Variants in PTPRN2 observed in about 807,000 individuals in gnomAD.
PTPRN2 encodes the protein protein tyrosine phosphatase receptor type N2, also known as receptor-type tyrosine-protein phosphatase N2.
In PTPRN2, 74 loss-of-function variants were observed where a neutral mutation model predicts 118.8. The ratio of observed to expected loss-of-function variants is 0.62; its 90% CI spans 0.52 to 0.76. The LOEUF (loss-of-function observed/expected upper bound fraction) is 0.76, where lower values mean the gene tolerates loss of function less well. Ranked by LOEUF, PTPRN2 falls within the 30% of genes least tolerant of loss-of-function variation. The pLI, the probability that PTPRN2 is intolerant of heterozygous loss-of-function variation, is 0.00. For missense variants in PTPRN2, 1,481 were observed against 1,394.4 expected (o/e 1.06, Z -0.99); for synonymous variants, 641 against 608.0 (o/e 1.05, Z -0.80).
At chr7:158,147,747 C>A (rs1164487289) in intron 6 of PTPRN2, among the ~76,000 whole-genome samples, 3 of 139,632 alleles carry the variant, frequency 2.1e-5, no homozygotes, top group Non-Finnish European at 3.1e-5. Flanking sequence ...TGTCTTTCCC[C>A]CTCAATGACA....
chr7:158,096,451 C>G (rs961457884), intron 10 of PTPRN2, among the ~76,000 whole-genome samples: 2 of 152,212 alleles, frequency 1.3e-5, no homozygotes, highest in African/African-American at 2.4e-5. Context: ...TATCTTTAAT[C>G]AAATCATGGG....
intron 10 of PTPRN2, among the ~76,000 whole-genome samples, chr7:158,101,613 A>C (rs1301118102): frequency 6.6e-6 from 1 of 152,232 alleles, no homozygotes; most frequent in Non-Finnish European, 1.5e-5. Context: ...AAACAATCCC[A>C]CTGTATACAA....
intron 12 of PTPRN2, among the ~76,000 whole-genome samples, chr7:157,727,670 G>A (rs1799675862): frequency 6.6e-6 from 1 of 152,228 alleles, no homozygotes; most frequent in South Asian, 2.1e-4. Context: ...AAACGGTTAG[G>A]ACGATCCATT....
intron 20 of PTPRN2, among the ~76,000 whole-genome samples, chr7:157,571,135 C>T (rs1480099850): frequency 7.0e-6 from 1 of 142,500 alleles, no homozygotes; most frequent in East Asian, 2.1e-4. Flanking sequence ...CGCTTGATCC[C>T]GGGAGGTGGA....
intron 12 of PTPRN2, among the ~76,000 whole-genome samples, chr7:157,754,131 C>T (rs900274426): frequency 2.0e-5 from 3 of 152,234 alleles, no homozygotes; most frequent in Non-Finnish European, 4.4e-5. Flanking sequence ...AACAATCGTC[C>T]ACTGTGGGCT....
chr7:157,718,884 T>A (rs143767249), intron 12 of PTPRN2, among the ~76,000 whole-genome samples: 4 of 152,308 alleles, frequency 2.6e-5, no homozygotes, highest in Non-Finnish European at 5.9e-5. Flanking sequence ...ACCCACCTTG[T>A]CGCTGTGGCC....
chr7:157,721,512 CCTGA>C (rs1799232177), intron 12 of PTPRN2, among the ~76,000 whole-genome samples: 1 of 152,222 alleles, frequency 6.6e-6, no homozygotes, highest in Non-Finnish European at 1.5e-5. Flanking sequence ...TGCGTTGCCT[CCTGA>C]CTGTCAGCCG....
At chr7:158,337,466 C>G (rs1234364541) in intron 2 of PTPRN2, among the ~76,000 whole-genome samples, 3 of 149,418 alleles carry the variant, frequency 2.0e-5, no homozygotes, top group Non-Finnish European at 3.0e-5. Context: ...CAAACCCACA[C>G]TCTCACCATA....
At position 157,927,485 on chromosome 7, in the gene PTPRN2, C is replaced by T. The variant is rs752426933; in HGVS notation, c.1724-28748G>A. 8.6e-5 allele frequency among the ~76,000 whole-genome samples: 9 copies of T among 104,938 alleles called. 1 individual carries two copies. Among genetic ancestry groups the T allele is most frequent in the East Asian group, 3.4e-4 (1 of 2,942 alleles). 68.8% of individuals were successfully genotyped at this position (104,938 alleles called of 152,430 possible). A position where few individuals can be genotyped will look rare whatever the true frequency, so the allele number is the denominator to read the frequency against. ...GACCCTTCTGAGAACAGAGACCTCACATCTGCTGGGACCCCGAAGACAGGA... is the reference window on the plus strand; with the variant it reads ...GACCCTTCTGAGAACAGAGACCTCATATCTGCTGGGACCCCGAAGACAGGA... On this transcript the variant is annotated intron_variant, in intron 11 of 22. Coordinates refer to ENST00000389418, the MANE Select transcript of PTPRN2 (RefSeq NM_002847.5).
intron 3 of PTPRN2, among the ~76,000 whole-genome samples, chr7:158,295,838 G>A (rs1297799888): frequency 6.6e-6 from 1 of 152,274 alleles, no homozygotes; most frequent in Non-Finnish European, 1.5e-5. Flanking sequence ...CTGCCTGTCT[G>A]CCCAGATGCT....
intron 2 of PTPRN2, among the ~76,000 whole-genome samples, chr7:158,473,833 C>T (rs1257546069): frequency 6.6e-6 from 1 of 151,990 alleles, no homozygotes; most frequent in African/African-American, 2.4e-5. Flanking sequence ...GCTTAAAAAC[C>T]AAATGTTTTA....
At chr7:158,324,417 A>C (rs1215931906) in intron 2 of PTPRN2, among the ~76,000 whole-genome samples, 1 of 152,186 alleles carries the variant, frequency 6.6e-6, no homozygotes, top group Non-Finnish European at 1.5e-5. Context: ...TAGAAGCCTC[A>C]TTTGTTGAAA....
intron 12 of PTPRN2, among the ~76,000 whole-genome samples, chr7:157,802,667 T>C (rs1353904726): frequency 6.6e-6 from 1 of 152,256 alleles, no homozygotes; most frequent in Non-Finnish European, 1.5e-5. Context: ...TTTTCCATAA[T>C]GGTTGCACCA....
rs1180936970 is a variant in PTPRN2, at chr7:157,763,477, G to A, written c.1789-80540C>T. Among the ~76,000 whole-genome samples the A allele has an allele frequency of 6.6e-6, 1 of 151,984 alleles. No homozygotes were observed. The highest frequency in any genetic ancestry group is 2.4e-5 in the African/African-American group (1 of 41,396). ...GTGTGGCCTCGAGTCCCTTCTCCTA[G>A]CCCCAAACCCCACGGCACAGTTGGG... is the stretch of plus-strand genomic sequence containing the variant. On this transcript the variant is annotated intron_variant, in intron 12 of 22. Coordinates refer to ENST00000389418, the MANE Select transcript of PTPRN2 (RefSeq NM_002847.5). The surrounding 1 kb of genome is among the most constrained non-coding windows in gnomAD (Gnocchi z 4.9).
chr7:157,615,528 C>T lies in PTPRN2; in HGVS notation c.2344+5834G>A, dbSNP rs573106590. The T allele has an allele frequency of 4.6e-4, 216 of 471,246 alleles. 1 individual carries two copies. The highest frequency in any genetic ancestry group is 2.6e-3 in the African/African-American group (130 of 50,226). 29.2% of individuals were successfully genotyped at this position (471,246 alleles called of 1,614,324 possible). On this transcript the variant is annotated intron_variant, in intron 15 of 22. Coordinates refer to ENST00000389418, the MANE Select transcript of PTPRN2 (RefSeq NM_002847.5). The surrounding 1 kb of genome is among the most constrained non-coding windows in gnomAD (Gnocchi z 4.3). Reference sequence around the variant, plus strand: ...CTGGGGACGGCTGGGGTGACCCCATCGCAAGGCCGGGCCGTGGAAACAATC... The same window carrying T: ...CTGGGGACGGCTGGGGTGACCCCATTGCAAGGCCGGGCCGTGGAAACAATC...
At chr7:158,485,792 C>T (rs1202474930) in intron 2 of PTPRN2, among the ~76,000 whole-genome samples, 1 of 152,110 alleles carries the variant, frequency 6.6e-6, no homozygotes, top group Non-Finnish European at 1.5e-5. Flanking sequence ...AAAGTCACTA[C>T]CCAGAGAGAG....
intron 11 of PTPRN2, among the ~76,000 whole-genome samples, chr7:158,037,747 T>G (rs997168746): frequency 1.3e-5 from 2 of 152,208 alleles, no homozygotes; most frequent in Non-Finnish European, 2.9e-5. Context: ...AATCAGTCTT[T>G]TTTCATAAAT....
At chr7:158,412,897 A>G (rs2129416738) in intron 2 of PTPRN2, among the ~76,000 whole-genome samples, 1 of 132,848 alleles carries the variant, frequency 7.5e-6, no homozygotes, top group Non-Finnish European at 1.6e-5. Flanking sequence ...ACCAGGGCCC[A>G]TCCAGTGCCC....
intron 12 of PTPRN2, among the ~76,000 whole-genome samples, chr7:157,772,175 A>G (rs1027004408): frequency 8.6e-5 from 13 of 151,632 alleles, no homozygotes. Context: ...AGGCACAGAC[A>G]TACACAGACA....
Sources: gnomAD v4.1 joint callset for allele counts (sites outside exome capture counted in the v4.1 genomes callset) on GRCh38, gnomAD v4.1.1 for gene constraint, Gnocchi (gnomAD v3.1) non-coding constraint, MANE v1.5 for transcripts, NCBI Gene and HGNC (gene_info 2026-07-23, HGNC 2026-07-21) for gene names.